Variants in RXRB observed in about 807,000 individuals in gnomAD.
RXRB encodes the protein retinoic acid receptor RXR-beta.
RXRB carries 18 observed loss-of-function variants against 52.5 expected under a neutral mutation model. The observed-to-expected ratio is 0.34, with a 90% CI of 0.24 to 0.51. The LOEUF (loss-of-function observed/expected upper bound fraction) is 0.51. RXRB is among the 20% of genes least tolerant of loss of function. RXRB has a pLI of 0.97. For synonymous variants in RXRB, 233 were observed against 267.1 expected (o/e 0.87, Z 1.25); for missense variants, 455 against 698.2 (o/e 0.65, Z 3.92).
At position 33,200,203 on chromosome 6, in the gene RXRB, C is replaced by A; in HGVS notation, c.235+39G>T. ...TGTGGGGGAGGGGTCGCAGATAAAG[C>A]GGTCACTGGCTCGCCTGCCCTTCTG... On this transcript the variant is annotated intron_variant, in intron 1 of 9. Transcript: ENST00000374680. The surrounding 1 kb of genome is among the most constrained non-coding windows in gnomAD (Gnocchi z 6.3). The A allele has an allele frequency of 6.3e-7, 1 of 1,597,454 alleles. No homozygotes were observed. Among genetic ancestry groups the A allele is most frequent in the East Asian group, 2.2e-5 (1 of 44,636 alleles).
In RXRB at chr6:33,195,484, G is replaced by T. The variant is rs1422899220; in HGVS notation, c.1257-30C>A. ...AGAGGGACCTGCAGGTCACTCAAAG[G>T]TCACAGCTCAGCCAGCCTTGGACAC... On this transcript the variant is annotated intron_variant, in intron 7 of 9. Transcript: ENST00000374680. This position sits in a 1 kb window ranked among gnomAD's most constrained non-coding sequence, Gnocchi z 8.6. 6.2e-7 allele frequency: 1 copy of T among 1,612,120 alleles called. No individual in the cohort carries two copies. The highest frequency in any genetic ancestry group is 1.3e-5 in the African/African-American group (1 of 74,914).
chr6:33,200,354 G>A lies in RXRB; in HGVS notation c.123C>T (p.Pro41=). 1 of 1,573,088 alleles carries A rather than the reference G, an allele frequency of 6.4e-7. No homozygotes were observed. Among genetic ancestry groups the A allele is most frequent in the Non-Finnish European group, 8.6e-7 (1 of 1,162,266 alleles). The change falls in exon 1 of 10, where the codon CCC becomes CCT. Residue 41 remains proline (P), a synonymous_variant. Transcript: ENST00000374680. This position sits in a 1 kb window ranked among gnomAD's most constrained non-coding sequence, Gnocchi z 6.3. ...CCGCCGCCGCTGCGGGATCCAGCCA[G>A]GGCCGTCGCCGCCGCCACCGGGACG... ...GVASRWRRRR[P]WLDPAAAAAA... is the part of the protein sequence containing the mutation.
In RXRB at chr6:33,196,063, G is replaced by T; in HGVS notation, c.994-27C>A. Reference sequence around the variant, plus strand: ...TGCAGGGGACGGGGGTAAGAGTTATGGAAGATTTTGAGATATGCTGGGAGC... The same window carrying T: ...TGCAGGGGACGGGGGTAAGAGTTATTGAAGATTTTGAGATATGCTGGGAGC... On this transcript the variant is annotated intron_variant, in intron 5 of 9. Transcript: ENST00000374680. The surrounding 1 kb of genome is among the most constrained non-coding windows in gnomAD (Gnocchi z 4.0). 1 of 1,612,412 alleles carries T rather than the reference G, an allele frequency of 6.2e-7. No individual in the cohort carries two copies.
chr6:33,196,410 G>T lies in RXRB; in HGVS notation c.993+24C>A. On this transcript the variant is annotated intron_variant, in intron 5 of 9. Transcript: ENST00000374680. This position sits in a 1 kb window ranked among gnomAD's most constrained non-coding sequence, Gnocchi z 4.0. ...CTCCCCCAACCCCCATCACGAAGGA[G>T]AGTGGATTGACCCCAACACTCACGC... 3.7e-6 allele frequency: 6 copies of T among 1,610,084 alleles called. No individual in the cohort carries two copies. Among genetic ancestry groups the T allele is most frequent in the Non-Finnish European group, 5.1e-6 (6 of 1,177,404 alleles).
chr6:33,199,836 T>G, intron 1 of RXRB: 1 of 564,804 alleles, frequency 1.8e-6, no homozygotes, highest in Non-Finnish European at 3.5e-6. Context: ...ACCTGTCTCG[T>G]GGGTGGGGCA....
chr6:33,196,284 G>A lies in RXRB; in HGVS notation c.993+150C>T, dbSNP rs1338662855. On this transcript the variant is annotated intron_variant, in intron 5 of 9. Coordinates refer to ENST00000374680, the MANE Select transcript of RXRB (RefSeq NM_021976.5). This position sits in a 1 kb window ranked among gnomAD's most constrained non-coding sequence, Gnocchi z 4.0. ...AGGAGCTATCACATCCACCTCAGAT[G>A]TTTGAAAGACCTTGTTTGGCAGCAC... 1 of 987,390 alleles carries A rather than the reference G, an allele frequency of 1.0e-6. No homozygotes were observed. The highest frequency in any genetic ancestry group is 1.6e-5 in the African/African-American group (1 of 63,040). 61.2% of individuals were successfully genotyped at this position (987,390 alleles called of 1,614,324 possible). A position where few individuals can be genotyped will look rare whatever the true frequency, so the allele number is the denominator to read the frequency against.
rs1773991569 is a variant in RXRB, at chr6:33,197,380, T to TTACTG, written c.820+381_820+382insCAGTA. Among the ~76,000 whole-genome samples the TTACTG allele has an allele frequency of 1.3e-5, 2 of 152,078 alleles. No homozygotes were observed. The highest frequency in any genetic ancestry group is 4.8e-5 in the African/African-American group (2 of 41,388). On this transcript the variant is annotated intron_variant, in intron 4 of 9. Transcript: ENST00000374680. This position sits in a 1 kb window ranked among gnomAD's most constrained non-coding sequence, Gnocchi z 4.4. The stretch of plus-strand genomic sequence containing the variant: ...AGGTCTTCAGTAAAGTCTGTAAGCT[T>TTACTG]AAGAGTGCCCAGTCCCAGGAGTTAG...
rs757132438 is a variant in RXRB, at chr6:33,195,916, G to T, written c.1114C>A (p.Leu372Met). ...ATCCAAGGTCACTGACCTGCCCGCA[G>T]CAATATGACCTGATCATCCAGAGGC... The part of the protein sequence containing the change: ...SLPLDDQVIL[L>M]RAGWNELLIA... Residue 372 changes from leucine (L) to methionine (M), a missense_variant, in exon 6 of 10, where the codon CTG becomes ATG. Physicochemically the swap from Leu to Met is conservative, Grantham distance 15 (BLOSUM62 2). Transcript: ENST00000374680. This position sits in a 1 kb window ranked among gnomAD's most constrained non-coding sequence, Gnocchi z 8.6. 8 of 1,612,758 alleles carry T rather than the reference G, an allele frequency of 5.0e-6. No individual in the cohort carries two copies. The highest frequency in any genetic ancestry group is 8.5e-7 in the Non-Finnish European group (1 of 1,180,032).
In RXRB at chr6:33,196,326, T is replaced by A. The variant is rs1562412269; in HGVS notation, c.993+108A>T. 8.4e-7 allele frequency: 1 copy of A among 1,192,492 alleles called. No individual in the cohort carries two copies. The highest frequency in any genetic ancestry group is 2.3e-5 in the East Asian group (1 of 42,962). 73.9% of individuals were successfully genotyped at this position (1,192,492 alleles called of 1,614,324 possible). ...TGGCAGCACCTCCAGTCCCAAGTAG[T>A]GTTAGGAAGGTTATGAGGGGAAAGG... On this transcript the variant is annotated intron_variant, in intron 5 of 9. Coordinates refer to ENST00000374680, the MANE Select transcript of RXRB (RefSeq NM_021976.5). This position sits in a 1 kb window ranked among gnomAD's most constrained non-coding sequence, Gnocchi z 4.0.
In RXRB at chr6:33,197,750, G is replaced by A; in HGVS notation, c.820+12C>T. On this transcript the variant is annotated intron_variant, in intron 4 of 9. Coordinates refer to ENST00000374680, the MANE Select transcript of RXRB (RefSeq NM_021976.5). The surrounding 1 kb of genome is among the most constrained non-coding windows in gnomAD (Gnocchi z 4.4). Reference sequence around the variant, plus strand: ...ATGTGGTCTAAGACGCCTGGGCAGGGCGGGTCCTTACCCTCCCTCTTCATG... The same window carrying A: ...ATGTGGTCTAAGACGCCTGGGCAGGACGGGTCCTTACCCTCCCTCTTCATG... 6 of 1,613,446 alleles carry A rather than the reference G, an allele frequency of 3.7e-6. No individual in the cohort carries two copies. The highest frequency in any genetic ancestry group is 5.1e-6 in the Non-Finnish European group (6 of 1,179,806).
chr6:33,195,422 T>C lies in RXRB; in HGVS notation c.1289A>G (p.Asp430Gly). Residue 430 changes from aspartate to glycine, a missense_variant, in exon 8 of 10, where the codon GAC (aspartate) becomes GGC (glycine). Asp to Gly is a moderately conservative substitution (Grantham distance 94, BLOSUM62 -1). This residue lies in a region of RXRB where 115 missense variants were observed against 253.1 expected (regional missense o/e 0.45). Transcript: ENST00000374680. The surrounding 1 kb of genome is among the most constrained non-coding windows in gnomAD (Gnocchi z 8.6). Reference protein sequence around the residue: ...VLTELVSKMRDMRMDKTELGC... With the variant: ...VLTELVSKMRGMRMDKTELGC... ...AAGCTCTGTCTTGTCCATCCTCATG[T>C]CACGCATTTTGGACACTAGCTCTGT... The C allele has an allele frequency of 6.2e-7, 1 of 1,612,910 alleles. No individual in the cohort carries two copies. The highest frequency in any genetic ancestry group is 8.5e-7 in the Non-Finnish European group (1 of 1,179,840).
intron 2 of RXRB, among the ~76,000 whole-genome samples, chr6:33,198,928 A>C (rs1210463300): frequency 2.7e-5 from 4 of 150,876 alleles, no homozygotes; most frequent in Non-Finnish European, 5.9e-5. Context: ...AAAAAAAAAA[A>C]AAAAAACACA....
In RXRB at chr6:33,194,927, C is replaced by T; in HGVS notation, c.1454+18G>A. The T allele has an allele frequency of 6.2e-7, 1 of 1,611,098 alleles. No individual in the cohort carries two copies. Among genetic ancestry groups the T allele is most frequent in the Non-Finnish European group, 8.5e-7 (1 of 1,178,460 alleles). On this transcript the variant is annotated intron_variant, in intron 9 of 9. Coordinates refer to ENST00000374680, the MANE Select transcript of RXRB (RefSeq NM_021976.5). This position sits in a 1 kb window ranked among gnomAD's most constrained non-coding sequence, Gnocchi z 4.1. ...CCCACCCCCAAGGGAGCCTCAGTGCCCCCCAGCCCCATCTCACCGTCCCTG... is the reference window on the plus strand; with the variant it reads ...CCCACCCCCAAGGGAGCCTCAGTGCTCCCCAGCCCCATCTCACCGTCCCTG...
rs1265529350 is a variant in RXRB at position 33,198,352 on chromosome 6, C to A, written c.596G>T (p.Gly199Val). ...GATTGCACATAGCCGTTTGCCAGCC[C>A]CAGGGCCACCTGGAGGGGGTGGACA... ...LHCPPPPGGPGAGKRLCAICG... is the reference protein window; with the variant it reads ...LHCPPPPGGPVAGKRLCAICG... The change falls in exon 3 of 10, where the codon GGG (glycine) becomes GTG (valine). Residue 199 changes from glycine to valine, a missense_variant. This residue lies in a region of RXRB where 15 missense variants were observed against 44.5 expected (regional missense o/e 0.34). Coordinates refer to ENST00000374680, the MANE Select transcript of RXRB (RefSeq NM_021976.5). 6.2e-7 allele frequency: 1 copy of A among 1,612,948 alleles called. No individual in the cohort carries two copies. Among genetic ancestry groups the A allele is most frequent in the Admixed American group, 1.7e-5 (1 of 60,006 alleles).
intron 3 of RXRB, 151 bp downstream of exon 3, chr6:33,198,157 C>T (rs2744527): frequency 7.7e-5 from 93 of 1,208,142 alleles, no homozygotes; most frequent in East Asian, 4.4e-4. Context: ...TCCCCCCAAT[C>T]GCGTCCTACA....
chr6:33,199,269 G>A lies in RXRB; in HGVS notation c.383C>T (p.Pro128Leu), dbSNP rs780219935. The A allele has an allele frequency of 2.8e-6, 3 of 1,059,282 alleles. No homozygotes were observed. The South Asian group carries it at 1.4e-4, about 51-fold the overall frequency. 65.6% of individuals were successfully genotyped at this position (1,059,282 alleles called of 1,614,324 possible). ...APPPPPMPPP[P>L]LGSPFPVISS... ...GATGACTGGAAAGGGAGAGCCCAGT[G>A]GGGGTGGTGGCATCGGGGGTGGGGG... Residue 128 changes from proline to leucine, a missense_variant, in exon 2 of 10, where the codon CCA (proline) becomes CTA (leucine). Pro to Leu is a moderately conservative substitution (Grantham distance 98). Around this residue, in one of 4 missense-constraint regions of RXRB, gnomAD observed 225 missense variants for 258.6 expected, o/e 0.87. Coordinates refer to ENST00000374680, the MANE Select transcript of RXRB (RefSeq NM_021976.5).
rs1004364381 is a variant in RXRB at position 33,197,627 on chromosome 6, C to T, written c.820+135G>A. ...AACAGGGTAACAGGGAGGAGAGCTGCGAAGGGAGAGAGAAATCAAATATCG... is the reference window on the plus strand; with the variant it reads ...AACAGGGTAACAGGGAGGAGAGCTGTGAAGGGAGAGAGAAATCAAATATCG... On this transcript the variant is annotated intron_variant, in intron 4 of 9. Transcript: ENST00000374680. The surrounding 1 kb of genome is among the most constrained non-coding windows in gnomAD (Gnocchi z 4.4). The T allele has an allele frequency of 2.6e-5, 21 of 807,786 alleles. No individual in the cohort carries two copies. The highest frequency in any genetic ancestry group is 3.5e-5 in the Non-Finnish European group (18 of 520,688). The allele number at this position is 807,786 out of a possible 1,614,324, so 50.0% of individuals were successfully genotyped here.
Position 33,198,465 on chromosome 6 carries a change from C to G in RXRB, c.484-1G>C. 5 of 1,612,542 alleles carry G rather than the reference C, an allele frequency of 3.1e-6. No individual in the cohort carries two copies. The highest frequency in any genetic ancestry group is 4.2e-6 in the Non-Finnish European group (5 of 1,179,700). ...CAGGGAGTGACACTGTTGAGTTAAT[C>G]TGGGATGGGGGAAATAGGGAAGTCA... is the stretch of plus-strand genomic sequence containing the variant. On this transcript the variant is annotated splice_acceptor_variant, in intron 2 of 9. Transcript: ENST00000374680. LOFTEE classifies it high-confidence loss of function.
rs377199500 is a variant in RXRB at position 33,195,867 on chromosome 6, G to T, written c.1123+40C>A. ...CTAAAGATCGGGAAGTCAAAGAGGGGTCAAATGTCAAGAAGTCAAAGGGAT... is the reference window on the plus strand; with the variant it reads ...CTAAAGATCGGGAAGTCAAAGAGGGTTCAAATGTCAAGAAGTCAAAGGGAT... On this transcript the variant is annotated intron_variant, in intron 6 of 9. Transcript: ENST00000374680. The surrounding 1 kb of genome is among the most constrained non-coding windows in gnomAD (Gnocchi z 8.6). The T allele has an allele frequency of 1.2e-6, 2 of 1,610,650 alleles. No individual in the cohort carries two copies. The highest frequency in any genetic ancestry group is 1.3e-5 in the African/African-American group (1 of 74,804).
Sources: gnomAD v4.1 joint callset for allele counts (sites outside exome capture counted in the v4.1 genomes callset) on GRCh38, gnomAD v4.1.1 for gene constraint, gnomAD v4.1.1 regional missense constraint, Gnocchi (gnomAD v3.1) non-coding constraint, MANE v1.5 for transcripts, NCBI Gene and HGNC (gene_info 2026-07-23, HGNC 2026-07-21) for gene names.